Variants in ARHGEF1 observed in about 807,000 individuals in gnomAD.
ARHGEF1 encodes 115 kDa guanine nucleotide exchange factor.
A neutral mutation model predicts 119.7 loss-of-function variants in ARHGEF1; 40 were observed. That is an observed-to-expected ratio of 0.33 (90% CI 0.26 to 0.44). The LOEUF is 0.44. Ranked by LOEUF, ARHGEF1 falls within the 20% of genes least tolerant of loss-of-function variation. The probability of loss-of-function intolerance (pLI) is 1.00; values close to 1 mark genes in which losing one functional copy is unlikely to be tolerated. For synonymous variants in ARHGEF1, 494 were observed against 521.0 expected (o/e 0.95, Z 0.71); for missense variants, 976 against 1,268.3 (o/e 0.77, Z 3.50).
chr19:41,907,979 G>A (rs1432571559), downstream of ARHGEF1: 1 of 390,060 alleles, frequency 2.6e-6, no homozygotes, highest in Admixed American at 4.5e-5. Flanking sequence ...TTGGGAGTGG[G>A]GCCAGGCGGG....
chr19:41,925,019 G>T (rs1320386971), intron 1 of ARHGEF1, among the ~76,000 whole-genome samples: 1 of 152,148 alleles, frequency 6.6e-6, no homozygotes, highest in African/African-American at 2.4e-5. Flanking sequence ...TGGATGTTTG[G>T]GGGGAGGAAA....
At position 41,895,371 on chromosome 19, in the gene ARHGEF1, C is replaced by T. The variant is rs782201789; in HGVS notation, c.900C>T (p.Asp300=). 3.9e-5 allele frequency: 63 copies of T among 1,611,840 alleles called. No homozygotes were observed. In the East Asian group the frequency reaches 1.4e-3, roughly 35 times the overall value. ...CAGCCGAGAAGCCAGGTGCTACAGA[C>T]CGGAAGGGAGGCGTGGGGATGCCCT... The part of the protein sequence containing the change: ...EVDAEKPGAT[D]RKGGVGMPSR... Residue 300 remains aspartate (D), a synonymous_variant, in exon 12 of 29, where the codon GAC becomes GAT. Coordinates refer to ENST00000354532, the MANE Select transcript of ARHGEF1 (RefSeq NM_004706.4).
At chr19:41,887,173 G>T (rs1248824027) in intron 1 of ARHGEF1, among the ~76,000 whole-genome samples, 1 of 152,184 alleles carries the variant, frequency 6.6e-6, no homozygotes, top group African/African-American at 2.4e-5. Flanking sequence ...CAGGAAGGGG[G>T]TGTCACCGCT....
In ARHGEF1 at chr19:41,888,239, C is replaced by G. The variant is rs2288509; in HGVS notation, c.72C>G (p.Ile24Met). 1.2e-6 allele frequency: 2 copies of G among 1,613,856 alleles called. No homozygotes were observed. The highest frequency in any genetic ancestry group is 1.1e-5 in the South Asian group (1 of 91,084). ...CTGGCCTGGTTCCCGTCAGCATCAT[C>G]GGGGCTGAGGATGAGGATTTTGAGA... The part of the protein sequence containing the change: ...SRPGLVPVSI[I>M]GAEDEDFENE... Residue 24 changes from isoleucine (I) to methionine (M), a missense_variant, in exon 3 of 29, where the codon ATC becomes ATG. This residue lies in a region of ARHGEF1 where 519 missense variants were observed against 580.9 expected (regional missense o/e 0.89). Transcript: ENST00000354532. This position sits in a 1 kb window ranked among gnomAD's most constrained non-coding sequence, Gnocchi z 5.1.
rs2074688367 is a variant in ARHGEF1, at chr19:41,905,973, C to A, written c.2439C>A (p.Pro813=). 6.2e-7 allele frequency: 1 copy of A among 1,613,990 alleles called. No individual in the cohort carries two copies. The highest frequency in any genetic ancestry group is 8.5e-7 in the Non-Finnish European group (1 of 1,180,030). ...AGAGAATCCTCAGTGACCTCCTGCC[C>A]TTCTGCAGACCAGGCCCCGAGGGCC... ...RTERILSDLL[P]FCRPGPEGQL... Residue 813 remains proline (P), a synonymous_variant, in exon 26 of 29, where the codon CCC becomes CCA. Coordinates refer to ENST00000354532, the MANE Select transcript of ARHGEF1 (RefSeq NM_004706.4). The surrounding 1 kb of genome is among the most constrained non-coding windows in gnomAD (Gnocchi z 6.4).
Position 41,892,806 on chromosome 19 carries a change from C to T in ARHGEF1, c.571C>T (p.Arg191Trp), listed in dbSNP as rs193119387. 3.8e-6 allele frequency: 6 copies of T among 1,588,212 alleles called. No homozygotes were observed. The highest frequency in any genetic ancestry group is 3.3e-5 in the South Asian group (3 of 89,986). Residue 191 changes from arginine (R) to tryptophan (W), a missense_variant, in exon 7 of 29, where the codon CGG becomes TGG. By Grantham distance (101) the Arg-to-Trp change is moderately radical. Transcript: ENST00000354532. This position sits in a 1 kb window ranked among gnomAD's most constrained non-coding sequence, Gnocchi z 6.3. ...RDRASYEARE[R>W]HVAERLLMHL... Reference sequence around the variant, plus strand: ...CCGAGCCAGCTACGAGGCCCGGGAGCGGCACGTGGCGGAGCGGCTGCTCAT... The same window carrying T: ...CCGAGCCAGCTACGAGGCCCGGGAGTGGCACGTGGCGGAGCGGCTGCTCAT...
chr19:41,926,429 G>A (rs1222878647), intron 1 of ARHGEF1, among the ~76,000 whole-genome samples: 1 of 152,134 alleles, frequency 6.6e-6, no homozygotes, highest in African/African-American at 2.4e-5. Context: ...GGATGTGACA[G>A]GTGCATTGAT....
In ARHGEF1 at chr19:41,888,306, C is replaced by A; in HGVS notation, c.111+28C>A. The A allele has an allele frequency of 6.2e-7, 1 of 1,609,450 alleles. No homozygotes were observed. Among genetic ancestry groups the A allele is most frequent in the South Asian group, 1.1e-5 (1 of 90,998 alleles). ...GAGTGGGAGATAGGGTGGAAAAGCTCTGTCCCAGGCTCAGTGTCCCGCCCC... is the reference window on the plus strand; with the variant it reads ...GAGTGGGAGATAGGGTGGAAAAGCTATGTCCCAGGCTCAGTGTCCCGCCCC... On this transcript the variant is annotated intron_variant, in intron 3 of 28. Coordinates refer to ENST00000354532, the MANE Select transcript of ARHGEF1 (RefSeq NM_004706.4). The surrounding 1 kb of genome is among the most constrained non-coding windows in gnomAD (Gnocchi z 5.1).
chr19:41,919,645 C>T (rs146421702), upstream of ARHGEF1, among the ~76,000 whole-genome samples: 1,141 of 152,278 alleles, frequency 7.5e-3, 64 homozygotes, highest in Admixed American at 0.069. Context: ...GTCTGTGACA[C>T]ACAAGATTTT....
In ARHGEF1 at chr19:41,904,162, G is replaced by A. The variant is rs1474385527; in HGVS notation, c.1993+52G>A. The stretch of plus-strand genomic sequence containing the variant: ...CAGGGTGTTGGGGCAGTGAGCCAAG[G>A]GCGGGGAGGGGGTCGCGCGGGGGCA... On this transcript the variant is annotated intron_variant, in intron 21 of 28. Coordinates refer to ENST00000354532, the MANE Select transcript of ARHGEF1 (RefSeq NM_004706.4). This position sits in a 1 kb window ranked among gnomAD's most constrained non-coding sequence, Gnocchi z 8.4. The A allele has an allele frequency of 6.2e-7, 1 of 1,613,156 alleles. No individual in the cohort carries two copies. The highest frequency in any genetic ancestry group is 1.1e-5 in the South Asian group (1 of 91,070).
At chr19:41,901,743 A>G in intron 14 of ARHGEF1, 144 bp from the exon 15 acceptor site, 2 of 1,028,902 alleles carry the variant, frequency 1.9e-6, no homozygotes, top group Non-Finnish European at 2.8e-6. Flanking sequence ...GTGAACCACC[A>G]TGGCTAGCCA....
chr19:41,902,556 G>A lies in ARHGEF1; in HGVS notation c.1521G>A (p.Trp507Ter), dbSNP rs1555849264. The A allele has an allele frequency of 1.2e-6, 2 of 1,614,136 alleles. No individual in the cohort carries two copies. The highest frequency in any genetic ancestry group is 1.7e-5 in the Admixed American group (1 of 60,020). ...AGTTTGATGGTGCTGAGGGCTCCTG[G>A]TTCCAGAAAATCTCCTCCCGCTTCT... ...LARFDGAEGSWFQKISSRFCS... is the reference protein window; with the variant it reads ...LARFDGAEGS Residue 507 changes from tryptophan (W) to a stop codon, truncating the protein, a stop_gained, in exon 17 of 29, where the codon TGG becomes TGA. Transcript: ENST00000354532. LOFTEE classifies it high-confidence loss of function. This position sits in a 1 kb window ranked among gnomAD's most constrained non-coding sequence, Gnocchi z 6.5.
chr19:41,894,135 A>AGTGTGGGTGTGTGTGTGT (rs2074433918), intron 8 of ARHGEF1, 72 bp from the exon 9 acceptor site: 1 of 442,016 alleles, frequency 2.3e-6, no homozygotes, highest in African/African-American at 2.4e-5. Context: ...TGTGTGTGTG[A>AGTGTGGGTGTGTGTGTGT]GTGTGTGTGT....
rs2074399993 is a variant in ARHGEF1, at chr19:41,892,884, T to G, written c.614+35T>G. The G allele has an allele frequency of 6.9e-7, 1 of 1,459,462 alleles. No individual in the cohort carries two copies. Among genetic ancestry groups the G allele is most frequent in the South Asian group, 1.3e-5 (1 of 74,418 alleles). 90.4% of individuals were successfully genotyped at this position (1,459,462 alleles called of 1,614,324 possible). On this transcript the variant is annotated intron_variant, in intron 7 of 28. Coordinates refer to ENST00000354532, the MANE Select transcript of ARHGEF1 (RefSeq NM_004706.4). The surrounding 1 kb of genome is among the most constrained non-coding windows in gnomAD (Gnocchi z 6.3). ...CCAGCCCTGGTGGGAGCGTCGCCCC[T>G]CCCCAGCACAAGGGCACCCGTGCTA... is the stretch of plus-strand genomic sequence containing the variant.
Position 41,907,100 on chromosome 19 carries a change from C to G in ARHGEF1, c.*18-5C>G. 1 of 1,514,682 alleles carries G rather than the reference C, an allele frequency of 6.6e-7. No homozygotes were observed. The highest frequency in any genetic ancestry group is 8.8e-7 in the Non-Finnish European group (1 of 1,137,336). 93.8% of individuals were successfully genotyped at this position (1,514,682 alleles called of 1,614,324 possible). A position where few individuals can be genotyped will look rare whatever the true frequency, so the allele number is the denominator to read the frequency against. The stretch of plus-strand genomic sequence containing the variant: ...CCGTCTCCCCTCTTCTCCTACATCC[C>G]CCAGGCCTTTTGCAAGAAGGAGAGG... On this transcript the variant is annotated splice_polypyrimidine_tract_variant and splice_region_variant and intron_variant, in intron 28 of 28. Transcript: ENST00000354532.
chr19:41,909,028 C>A (rs138216517), downstream of ARHGEF1: 14 of 1,177,088 alleles, frequency 1.2e-5, no homozygotes, highest in East Asian at 4.1e-4. The surrounding 1 kb of genome is among the most constrained non-coding windows in gnomAD (Gnocchi z 5.2). Flanking sequence ...TCCCACTGTG[C>A]CCCCAGCACC....
intron 14 of ARHGEF1, 23 bp downstream of exon 14, chr19:41,898,610 C>A (rs1555848482): frequency 1.3e-6 from 2 of 1,577,510 alleles, no homozygotes; most frequent in Admixed American, 1.8e-5. Flanking sequence ...CCCATCACCC[C>A]ACTGTGGCCA....
At position 41,888,059 on chromosome 19, in the gene ARHGEF1, T is replaced by C. The variant is rs28396197; in HGVS notation, c.-19-5T>C. The C allele has an allele frequency of 0.053, 85,247 of 1,611,162 alleles. 21,411 individuals carry two copies. The African/African-American group carries it at 0.71, about 13-fold the overall frequency. ...TCCTAACCACAGCCCCTCCTCTTCCTCCAGCCCTGCAGAGCCCAGGGAGAT... is the reference window on the plus strand; with the variant it reads ...TCCTAACCACAGCCCCTCCTCTTCCCCCAGCCCTGCAGAGCCCAGGGAGAT... On this transcript the variant is annotated splice_region_variant and splice_polypyrimidine_tract_variant and intron_variant, in intron 1 of 28. Coordinates refer to ENST00000354532, the MANE Select transcript of ARHGEF1 (RefSeq NM_004706.4). The surrounding 1 kb of genome is among the most constrained non-coding windows in gnomAD (Gnocchi z 5.1).
chr19:41,929,911 C>T (rs2074894861), exon 3 of ARHGEF1: 2 of 152,210 alleles, frequency 1.3e-5, no homozygotes, highest in African/African-American at 4.8e-5. Flanking sequence ...GGTTCAGCCT[C>T]ACTCCCGCTC....
Sources: allele counts gnomAD v4.1 joint callset (sites outside exome capture counted in the v4.1 genomes callset), GRCh38; gene constraint gnomAD v4.1.1; regional missense constraint gnomAD v4.1.1; non-coding constraint Gnocchi (gnomAD v3.1); transcripts MANE v1.5; gene names NCBI Gene and HGNC (gene_info 2026-07-23, HGNC 2026-07-21).